The following HSPA4 variants were observed in gnomAD, a reference collection of about 807,000 sequenced individuals.
HSPA4 encodes the protein heat shock protein family A (Hsp70) member 4, also known as heat shock 70 kDa protein 4.
In HSPA4, 25 loss-of-function variants were observed where a neutral mutation model predicts 106.2. The observed-to-expected ratio is 0.24, with a 90% CI of 0.17 to 0.33. The LOEUF (loss-of-function observed/expected upper bound fraction) is 0.33. Among genes scored for constraint, HSPA4 ranks in the 10% least tolerant of loss-of-function variants. The pLI is 1.00. For synonymous variants in HSPA4, 332 were observed against 333.6 expected (o/e 1.00, Z 0.05); for missense variants, 841 against 996.0 (o/e 0.84, Z 2.10).
intron 14 of HSPA4, among the ~76,000 whole-genome samples, chr5:133,096,680 CTT>C (rs1765716079): frequency 6.6e-6 from 1 of 152,136 alleles, no homozygotes; most frequent in African/African-American, 2.4e-5. Context: ...TATAGTAACT[CTT>C]ACTGAGTGAT....
chr5:133,071,077 A>T (rs1277109258), intron 4 of HSPA4, among the ~76,000 whole-genome samples: 1 of 151,952 alleles, frequency 6.6e-6, no homozygotes, highest in Non-Finnish European at 1.5e-5. Context: ...CTAGCATAGC[A>T]CAGGGTAGCC....
At chr5:133,101,571 G>C in intron 16 of HSPA4, 188 bp from the exon 17 acceptor site, 2 of 515,406 alleles carry the variant, frequency 3.9e-6, no homozygotes, top group South Asian at 5.4e-5. Flanking sequence ...ATTCCAGATG[G>C]ATCAGTGTTG....
At chr5:133,053,433 C>T (rs1429832025) in intron 1 of HSPA4, among the ~76,000 whole-genome samples, 1 of 149,248 alleles carries the variant, frequency 6.7e-6, no homozygotes, top group Admixed American at 6.7e-5. Flanking sequence ...CCTCGACCTC[C>T]CTGGCTCCTG....
intron 13 of HSPA4, among the ~76,000 whole-genome samples, chr5:133,095,307 A>C (rs1765697121): frequency 6.6e-6 from 1 of 152,092 alleles, no homozygotes; most frequent in South Asian, 2.1e-4. Flanking sequence ...ATCTCAAAAA[A>C]ACAAACAAAA....
chr5:133,057,846 T>A (rs958743915), intron 1 of HSPA4, among the ~76,000 whole-genome samples: 1 of 152,158 alleles, frequency 6.6e-6, no homozygotes, highest in Admixed American at 6.5e-5. Context: ...ATAGAAGAAG[T>A]GTAAGATAGA....
In HSPA4 at chr5:133,052,204, G is replaced by T. The variant is rs1765088470; in HGVS notation, c.-47G>T. On this transcript the variant is annotated 5_prime_UTR_variant, in exon 1 of 19. Coordinates refer to ENST00000304858, the MANE Select transcript of HSPA4 (RefSeq NM_002154.4). ...TAGCCCCGCCGGGGGTCCGTGTCCT[G>T]TCTCGGTGGCCGGACCCGGGCCCGA... is the stretch of plus-strand genomic sequence containing the variant. 4 of 1,360,782 alleles carry T rather than the reference G, an allele frequency of 2.9e-6. No individual in the cohort carries two copies. Among genetic ancestry groups the T allele is most frequent in the Non-Finnish European group, 4.1e-6 (4 of 985,100 alleles). The allele number at this position is 1,360,782 out of a possible 1,614,324, so 84.3% of individuals were successfully genotyped here.
chr5:133,095,878 C>CA (rs1434278344), intron 13 of HSPA4, among the ~76,000 whole-genome samples: 1 of 152,130 alleles, frequency 6.6e-6, no homozygotes, highest in African/African-American at 2.4e-5. Flanking sequence ...CCCTGACAGC[C>CA]ACTATTCTGC....
At chr5:133,085,766 G>C (rs1765571848) in intron 7 of HSPA4, among the ~76,000 whole-genome samples, 1 of 151,938 alleles carries the variant, frequency 6.6e-6, no homozygotes, top group African/African-American at 2.4e-5. Context: ...TGGAGCACAG[G>C]GAGGGATGAA....
rs397999293 is a variant in HSPA4 at position 133,055,307 on chromosome 5, ATTTTTTTTTTTTTT to A, written c.107+2968_107+2981del. Among the ~76,000 whole-genome samples the A allele has an allele frequency of 8.7e-3, 523 of 60,132 alleles. 4 individuals are homozygous for A. The highest frequency in any genetic ancestry group is 0.03 in the Admixed American group (130 of 4,350). The allele number at this position is 60,132 out of a possible 152,430, so 39.4% of individuals were successfully genotyped here. On this transcript the variant is annotated intron_variant, in intron 1 of 18. Coordinates refer to ENST00000304858, the MANE Select transcript of HSPA4 (RefSeq NM_002154.4). ...ATAGAAAATGGTAGCAGGAAGGTTG[ATTTTTTTTTTTTTT>A]TTTTTTTTTTTTTTTTTGGTAGCGG...
intron 6 of HSPA4, among the ~76,000 whole-genome samples, chr5:133,075,102 C>T (rs993806443): frequency 9.9e-5 from 15 of 151,574 alleles, no homozygotes; most frequent in African/African-American, 3.6e-4. Flanking sequence ...TAGACGTTTC[C>T]ACTTTATTTT....
At chr5:133,083,786 C>T (rs1765545712) in intron 7 of HSPA4, among the ~76,000 whole-genome samples, 1 of 152,158 alleles carries the variant, frequency 6.6e-6, no homozygotes. Context: ...ATCCGCCCGC[C>T]TCAGTCTCCC....
At chr5:133,073,199 A>G (rs764420290) in intron 4 of HSPA4, 31 bp from the exon 5 acceptor site, 2 of 1,370,246 alleles carry the variant, frequency 1.5e-6, no homozygotes, top group Non-Finnish European at 2.0e-6. Context: ...AGAATCTATA[A>G]TACAGTAAGC....
chr5:133,070,289 G>A (rs1765364971), intron 3 of HSPA4, 85 bp from the exon 4 acceptor site: 4 of 1,336,254 alleles, frequency 3.0e-6, no homozygotes, highest in Non-Finnish European at 4.1e-6. Context: ...TTGATAATGG[G>A]AAGCATTGTT....
At chr5:133,098,387 C>T (rs1325824629) in intron 15 of HSPA4, among the ~76,000 whole-genome samples, 2 of 152,196 alleles carry the variant, frequency 1.3e-5, no homozygotes, top group African/African-American at 2.4e-5. Flanking sequence ...TCTTGGCTCA[C>T]TGCAGGCTCT....
intron 15 of HSPA4, among the ~76,000 whole-genome samples, chr5:133,098,900 C>T (rs1350284893): frequency 2.0e-5 from 3 of 146,364 alleles, no homozygotes; most frequent in African/African-American, 2.5e-5. Context: ...CTGTCCTTAC[C>T]TCAGGTGATC....
At chr5:133,084,540 G>A (rs1310312409) in intron 7 of HSPA4, among the ~76,000 whole-genome samples, 2 of 151,692 alleles carry the variant, frequency 1.3e-5, no homozygotes, top group African/African-American at 2.4e-5. Flanking sequence ...TCCTGATCTC[G>A]GCTCACTGCA....
intron 15 of HSPA4, among the ~76,000 whole-genome samples, chr5:133,098,005 G>A (rs1295970501): frequency 6.6e-6 from 1 of 151,116 alleles, no homozygotes; most frequent in Non-Finnish European, 1.5e-5. Flanking sequence ...AGATTTTGGT[G>A]CACCTGTCAT....
intron 15 of HSPA4, among the ~76,000 whole-genome samples, chr5:133,098,152 A>G (rs1170054596): frequency 6.6e-6 from 1 of 152,136 alleles, no homozygotes; most frequent in Non-Finnish European, 1.5e-5. Flanking sequence ...ATAAGGGAAA[A>G]CATAGCAGTA....
chr5:133,070,339 T>C (rs781160370), intron 3 of HSPA4, 35 bp from the exon 4 acceptor site: 11 of 1,581,210 alleles, frequency 7.0e-6, no homozygotes, highest in Admixed American at 6.0e-5. Context: ...GAAAGAAATA[T>C]AATAAGTCTA....
Sources: allele counts gnomAD v4.1 joint callset (sites outside exome capture counted in the v4.1 genomes callset), GRCh38; gene constraint gnomAD v4.1.1; transcripts MANE v1.5; gene names NCBI Gene and HGNC (gene_info 2026-07-23, HGNC 2026-07-21).